The following NR3C2 variants were observed in gnomAD, a reference collection of about 807,000 sequenced individuals.
NR3C2 encodes the protein nuclear receptor subfamily 3 group C member 2.
Under a neutral mutation model 86.4 loss-of-function variants are expected in NR3C2, and 15 were observed. The observed-to-expected ratio is 0.17, with a 90% CI of 0.12 to 0.27. The LOEUF (loss-of-function observed/expected upper bound fraction) is 0.27. Among genes scored for constraint, NR3C2 ranks in the 10% least tolerant of loss-of-function variants. The probability of loss-of-function intolerance (pLI) is 1.00; values close to 1 mark genes in which losing one functional copy is unlikely to be tolerated. For synonymous variants in NR3C2, 458 were observed against 450.5 expected, an observed-to-expected ratio of 1.02 and a Z score of -0.21; for missense variants, 960 against 1,195.6, an observed-to-expected ratio of 0.80 and a Z score of 2.91.
intron 4 of NR3C2, among the ~76,000 whole-genome samples, chr4:148,181,622 A>C (rs961672701): frequency 6.6e-6 from 1 of 152,228 alleles, no homozygotes; most frequent in African/African-American, 2.4e-5. Flanking sequence ...CTTTGAAAAA[A>C]GCTACACAAA....
intron 6 of NR3C2, among the ~76,000 whole-genome samples, chr4:148,136,056 C>CAAAAAAAAAAAA (rs199716496): frequency 1.4e-5 from 1 of 71,174 alleles, no homozygotes; most frequent in Admixed American, 1.4e-4. Flanking sequence ...GACTCCGTCT[C>CAAAAAAAAAAAA]AAAAAAAAAA....
chr4:148,266,192 C>A (rs1487115012), intron 2 of NR3C2, among the ~76,000 whole-genome samples: 3 of 151,728 alleles, frequency 2.0e-5, no homozygotes, highest in Non-Finnish European at 4.4e-5. Flanking sequence ...CCTGCCTCAG[C>A]CTCTAGAGTA....
rs114186698 is a variant in NR3C2, at chr4:148,257,552, T to C, written c.1897+2426A>G. Among the ~76,000 whole-genome samples the C allele has an allele frequency of 4.2e-3, 638 of 152,312 alleles. 5 individuals are homozygous for C. The highest frequency in any genetic ancestry group is 0.014 in the African/African-American group (591 of 41,576). On this transcript the variant is annotated intron_variant, in intron 3 of 8. Coordinates refer to ENST00000358102, the MANE Select transcript of NR3C2 (RefSeq NM_000901.5). Reference sequence around the variant, plus strand: ...AGATTGGGTGGACTAAGTTTGATCCTAAATGTCTTCATCTAGAAAAGGAAA... The same window carrying C: ...AGATTGGGTGGACTAAGTTTGATCCCAAATGTCTTCATCTAGAAAAGGAAA...
At chr4:148,437,553 G>A (rs1750138952) in intron 1 of NR3C2, among the ~76,000 whole-genome samples, 1 of 152,144 alleles carries the variant, frequency 6.6e-6, no homozygotes, top group Non-Finnish European at 1.5e-5. Flanking sequence ...TATCTCAGAA[G>A]GGCTGTATGA....
intron 8 of NR3C2, among the ~76,000 whole-genome samples, chr4:148,092,178 C>T (rs888124098): frequency 3.3e-5 from 5 of 152,336 alleles, no homozygotes; most frequent in Middle Eastern, 3.4e-3. Flanking sequence ...ACCTCTTCCC[C>T]GCAGGCCTTC....
intron 3 of NR3C2, among the ~76,000 whole-genome samples, chr4:148,244,671 G>A (rs933898515): frequency 7.9e-5 from 12 of 152,180 alleles, no homozygotes; most frequent in African/African-American, 2.9e-4. Context: ...TAAAGACCTG[G>A]CCTTGAAGGG....
intron 4 of NR3C2, among the ~76,000 whole-genome samples, chr4:148,183,232 T>G (rs112651241): frequency 6.6e-6 from 1 of 152,126 alleles, no homozygotes; most frequent in Admixed American, 6.5e-5. Context: ...TGATGGACAT[T>G]TGGGTTGGTT....
chr4:148,437,458 AAAGT>A (rs544918393), intron 1 of NR3C2, among the ~76,000 whole-genome samples: 225 of 152,344 alleles, frequency 1.5e-3, no homozygotes, highest in African/African-American at 4.9e-3. Context: ...GATTTTTTTA[AAAGT>A]AAGACTCTCT....
chr4:148,383,460 T>C (rs1747102197), intron 2 of NR3C2, among the ~76,000 whole-genome samples: 1 of 152,200 alleles, frequency 6.6e-6, no homozygotes, highest in Admixed American at 6.5e-5. Flanking sequence ...TTTTTAATAC[T>C]TTGAATGTAC....
chr4:148,369,560 A>C (rs147359402), intron 2 of NR3C2, among the ~76,000 whole-genome samples: 16 of 152,362 alleles, frequency 1.1e-4, no homozygotes, highest in African/African-American at 3.1e-4. Flanking sequence ...AGATCTGAAA[A>C]GTGATACTTA....
chr4:148,102,481 G>A (rs990219150), intron 8 of NR3C2, among the ~76,000 whole-genome samples: 13 of 152,052 alleles, frequency 8.5e-5, no homozygotes, highest in African/African-American at 2.9e-4. Flanking sequence ...CCTCCTCTGG[G>A]CAGGTGCTAC....
intron 4 of NR3C2, among the ~76,000 whole-genome samples, chr4:148,157,363 T>C (rs1324271151): frequency 6.6e-6 from 1 of 152,170 alleles, no homozygotes; most frequent in Non-Finnish European, 1.5e-5. Flanking sequence ...CCAGGCACTG[T>C]TCTAAATGCT....
intron 4 of NR3C2, among the ~76,000 whole-genome samples, chr4:148,170,094 A>T (rs1161402839): frequency 1.3e-5 from 2 of 152,234 alleles, no homozygotes; most frequent in Admixed American, 1.3e-4. Flanking sequence ...TTCTTTGTGT[A>T]GAAATGGTCC....
intron 8 of NR3C2, among the ~76,000 whole-genome samples, chr4:148,104,252 A>C (rs541254360): frequency 8.2e-4 from 125 of 151,554 alleles, no homozygotes; most frequent in Non-Finnish European, 1.6e-3. Flanking sequence ...CTCCCATGTC[A>C]GTTATTCATT....
intron 2 of NR3C2, among the ~76,000 whole-genome samples, chr4:148,311,393 C>G (rs1742891858): frequency 6.6e-6 from 1 of 152,206 alleles, no homozygotes; most frequent in African/African-American, 2.4e-5. Context: ...GGGTTAATGA[C>G]AACTGCATTC....
rs150539387 is a variant in NR3C2, at chr4:148,363,796, C to T, written c.1757+71308G>A. ...GGGATTACAGGCGTGAGCCACCGCG[C>T]CCAGCCGACTTTTCATATATCTCTA... On this transcript the variant is annotated intron_variant, in intron 2 of 8. Transcript: ENST00000358102. Among the ~76,000 whole-genome samples, 212 of 152,240 alleles carry T rather than the reference C, an allele frequency of 1.4e-3. 3 individuals are homozygous for T. In the East Asian group the frequency reaches 0.038, roughly 27 times the overall value.
chr4:148,190,678 A>C (rs993764922), intron 4 of NR3C2, among the ~76,000 whole-genome samples: 13 of 152,144 alleles, frequency 8.5e-5, no homozygotes, highest in Admixed American at 2.0e-4. Context: ...CTCATTTCTT[A>C]GGTCTATTAG....
At chr4:148,236,121 C>T (rs1270686153) in intron 3 of NR3C2, among the ~76,000 whole-genome samples, 1 of 152,316 alleles carries the variant, frequency 6.6e-6, no homozygotes, top group Admixed American at 6.5e-5. Context: ...TATAACTCAT[C>T]TTTCCCATTT....
rs72656815 is a variant in NR3C2, at chr4:148,330,174, T to C, written c.1758-70057A>G. On this transcript the variant is annotated intron_variant, in intron 2 of 8. Transcript: ENST00000358102. ...GGCCTTTTAACACCTCGACACTGTT[T>C]TTGTCTTCATAAGACTCAGCAAATA... Among the ~76,000 whole-genome samples, 159 of 152,330 alleles carry C rather than the reference T, an allele frequency of 1.0e-3. 1 individual carries two copies. The highest frequency in any genetic ancestry group is 3.5e-3 in the African/African-American group (146 of 41,570).
Sources: allele counts gnomAD v4.1 joint callset (sites outside exome capture counted in the v4.1 genomes callset), GRCh38; gene constraint gnomAD v4.1.1; transcripts MANE v1.5; gene names NCBI Gene and HGNC (gene_info 2026-07-23, HGNC 2026-07-21).